The following TSNAX variants were observed in gnomAD, a reference collection of about 807,000 sequenced individuals.
TSNAX encodes the protein translin associated factor X.
TSNAX carries 12 observed loss-of-function variants against 33.0 expected under a neutral mutation model. That is an observed-to-expected ratio of 0.36 (90% CI 0.23 to 0.59). The LOEUF (loss-of-function observed/expected upper bound fraction) is 0.59. Ranked by LOEUF, TSNAX falls within the 20% of genes least tolerant of loss-of-function variation. The probability of loss-of-function intolerance (pLI) is 0.74; values close to 1 mark genes in which losing one functional copy is unlikely to be tolerated. For missense variants in TSNAX, 267 were observed against 341.3 expected (o/e 0.78, Z 1.72); for synonymous variants, 110 against 117.2 (o/e 0.94, Z 0.40).
chr1:231,564,724 T>C lies in TSNAX; in HGVS notation c.692T>C (p.Ile231Thr), dbSNP rs1407481145. Residue 231 changes from isoleucine (I) to threonine (T), a missense_variant, in exon 6 of 6, where the codon ATT (isoleucine) becomes ACT (threonine). By Grantham distance (89) the Ile-to-Thr change is moderately conservative. Coordinates refer to ENST00000366639, the MANE Select transcript of TSNAX (RefSeq NM_005999.3). ...LRQVYDGFSFIGNTGPYEVSK... is the reference protein window; with the variant it reads ...LRQVYDGFSFTGNTGPYEVSK... ...CAGGTTTATGATGGGTTTTCATTCA[T>C]TGGCAACACTGGACCTTACGAGGTT... is the stretch of plus-strand genomic sequence containing the variant. The C allele has an allele frequency of 6.2e-7, 1 of 1,614,172 alleles. No individual in the cohort carries two copies. Among genetic ancestry groups the C allele is most frequent in the Non-Finnish European group, 8.5e-7 (1 of 1,180,028 alleles).
rs1426738130 is a variant in TSNAX, at chr1:231,537,120, C to T, written c.122-93C>T. On this transcript the variant is annotated intron_variant, in intron 2 of 5. Transcript: ENST00000366639. ...TGCTGAGATTACAGGCGTGAGCCACCGCACCCAGCATATGTGACGTACATC... is the reference window on the plus strand; with the variant it reads ...TGCTGAGATTACAGGCGTGAGCCACTGCACCCAGCATATGTGACGTACATC... 25 of 945,046 alleles carry T rather than the reference C, an allele frequency of 2.6e-5. No homozygotes were observed. In the East Asian group the frequency reaches 3.7e-4, roughly 14 times the overall value. 58.5% of individuals were successfully genotyped at this position (945,046 alleles called of 1,614,324 possible). A position where few individuals can be genotyped will look rare whatever the true frequency, so the allele number is the denominator to read the frequency against.
intron 3 of TSNAX, among the ~76,000 whole-genome samples, chr1:231,538,677 T>C (rs1253851241): frequency 6.6e-6 from 1 of 152,182 alleles, no homozygotes; most frequent in Non-Finnish European, 1.5e-5. Context: ...AGATCACATA[T>C]AATTTATTAG....
At chr1:231,563,745 A>G (rs538785511) in intron 5 of TSNAX, 1 of 151,934 alleles carries the variant, frequency 6.6e-6, no homozygotes, top group East Asian at 1.9e-4. Flanking sequence ...GAAATTGGGC[A>G]AGGTTGTCTA....
intron 2 of TSNAX, among the ~76,000 whole-genome samples, chr1:231,531,005 A>G (rs991263072): frequency 6.7e-6 from 1 of 149,496 alleles, no homozygotes; most frequent in African/African-American, 2.5e-5. Flanking sequence ...ACAGGCTGAG[A>G]TAATAATTAG....
Position 231,565,155 on chromosome 1 carries a change from A to T in TSNAX, c.*250A>T, listed in dbSNP as rs749913056. The T allele has an allele frequency of 2.5e-6, 1 of 399,102 alleles. No homozygotes were observed. The highest frequency in any genetic ancestry group is 2.0e-5 in the African/African-American group (1 of 48,972). 24.7% of individuals were successfully genotyped at this position (399,102 alleles called of 1,614,324 possible). A position where few individuals can be genotyped will look rare whatever the true frequency, so the allele number is the denominator to read the frequency against. ...TTTGAATTTTTGCTGGTTAACCTTT[A>T]TCATTTATCTTTGTAATGTGAACAT... On this transcript the variant is annotated 3_prime_UTR_variant, in exon 6 of 6. Coordinates refer to ENST00000366639, the MANE Select transcript of TSNAX (RefSeq NM_005999.3).
intron 4 of TSNAX, among the ~76,000 whole-genome samples, chr1:231,547,608 C>T (rs183984916): frequency 6.6e-6 from 1 of 151,832 alleles, no homozygotes; most frequent in Non-Finnish European, 1.5e-5. Context: ...CCAGGCTGGT[C>T]TCAAACTCCT....
At chr1:231,542,132 T>C (rs755908417) in intron 3 of TSNAX, among the ~76,000 whole-genome samples, 10 of 152,188 alleles carry the variant, frequency 6.6e-5, no homozygotes, top group Non-Finnish European at 1.3e-4. Flanking sequence ...CCAGTGTCTG[T>C]AACCATTGTT....
intron 2 of TSNAX, among the ~76,000 whole-genome samples, chr1:231,533,906 A>AT (rs1658964623): frequency 6.6e-6 from 1 of 152,220 alleles, no homozygotes; most frequent in Non-Finnish European, 1.5e-5. Flanking sequence ...ATTTCAGGAG[A>AT]TTTAACACTG....
At chr1:231,536,829 C>CTTTTTTTTTTT (rs774896185) in intron 2 of TSNAX, 1 of 146,770 alleles carries the variant, frequency 6.8e-6, no homozygotes. Flanking sequence ...ATTGTGACAT[C>CTTTTTTTTTTT]TTTTTTTTTT....
At chr1:231,530,680 C>T (rs1309026720) in intron 2 of TSNAX, among the ~76,000 whole-genome samples, 1 of 148,614 alleles carries the variant, frequency 6.7e-6, no homozygotes, top group African/African-American at 2.5e-5. Context: ...CACTGCACTC[C>T]AGCCTGGGCA....
intron 4 of TSNAX, among the ~76,000 whole-genome samples, chr1:231,547,387 TTC>T (rs1659987281): frequency 1.0e-4 from 15 of 143,354 alleles, no homozygotes; most frequent in African/African-American, 4.0e-4. Flanking sequence ...TCTTTTTTTT[TTC>T]TTTTTTTTTT....
chr1:231,560,073 G>A (rs988677974), intron 4 of TSNAX, among the ~76,000 whole-genome samples: 2 of 150,836 alleles, frequency 1.3e-5, no homozygotes, highest in Non-Finnish European at 2.9e-5. Flanking sequence ...TCTGCTTCCC[G>A]GGTTCACGCC....
At chr1:231,533,655 C>A (rs1658940460) in intron 2 of TSNAX, among the ~76,000 whole-genome samples, 1 of 152,126 alleles carries the variant, frequency 6.6e-6, no homozygotes, top group Non-Finnish European at 1.5e-5. Flanking sequence ...AGACTTAATG[C>A]AGTTGGAAAA....
intron 4 of TSNAX, among the ~76,000 whole-genome samples, chr1:231,558,277 C>T (rs1422541275): frequency 2.0e-5 from 3 of 152,138 alleles, no homozygotes; most frequent in African/African-American, 4.8e-5. Flanking sequence ...GTGCTACATG[C>T]TGTTGGCCAC....
In TSNAX at chr1:231,542,473, G is replaced by C. The variant is rs2124904125; in HGVS notation, c.237-8G>C. On this transcript the variant is annotated splice_region_variant and splice_polypyrimidine_tract_variant and intron_variant, in intron 3 of 5. Coordinates refer to ENST00000366639, the MANE Select transcript of TSNAX (RefSeq NM_005999.3). ...ATGTTCTAAAAGTTCCCAATATCTT[G>C]ATCATAGTGCTCCTGATATGGAAGA... is the stretch of plus-strand genomic sequence containing the variant. The C allele has an allele frequency of 5.0e-6, 8 of 1,612,718 alleles. No homozygotes were observed. The highest frequency in any genetic ancestry group is 6.8e-6 in the Non-Finnish European group (8 of 1,179,442).
intron 4 of TSNAX, among the ~76,000 whole-genome samples, chr1:231,558,708 G>A (rs1660846685): frequency 6.6e-6 from 1 of 151,820 alleles, no homozygotes; most frequent in Non-Finnish European, 1.5e-5. Flanking sequence ...GATTTTCTTT[G>A]GGGGGGAACT....
At chr1:231,532,671 T>C (rs1658845392) in intron 2 of TSNAX, among the ~76,000 whole-genome samples, 1 of 152,082 alleles carries the variant, frequency 6.6e-6, no homozygotes, top group African/African-American at 2.4e-5. Flanking sequence ...CTTTGTTACG[T>C]GTCATTTTGT....
chr1:231,545,780 TTAAGA>T (rs1243216882), intron 4 of TSNAX, among the ~76,000 whole-genome samples: 1 of 152,218 alleles, frequency 6.6e-6, no homozygotes, highest in African/African-American at 2.4e-5. Flanking sequence ...TTTGGGCCAG[TTAAGA>T]TATGTTTTTA....
chr1:231,534,027 G>T (rs1313190640), intron 2 of TSNAX: 1 of 152,086 alleles, frequency 6.6e-6, no homozygotes, highest in Non-Finnish European at 1.5e-5. Context: ...ATATTACATT[G>T]TAATGTCTCT....
Sources: allele counts gnomAD v4.1 joint callset (sites outside exome capture counted in the v4.1 genomes callset), GRCh38; gene constraint gnomAD v4.1.1; transcripts MANE v1.5; gene names NCBI Gene and HGNC (gene_info 2026-07-23, HGNC 2026-07-21).